TTC6: variants seen among roughly 807,000 people sequenced by gnomAD.
The protein encoded by TTC6 is tetratricopeptide repeat protein 6.
Under a neutral mutation model 210.4 loss-of-function variants are expected in TTC6, and 172 were observed. The ratio of observed to expected loss-of-function variants is 0.82; its 90% confidence interval spans 0.72 to 0.93. TTC6 has a LOEUF of 0.93. TTC6 is among the 40% of genes least tolerant of loss of function. The pLI, the probability that TTC6 is intolerant of heterozygous loss-of-function variation, is 0.00. For synonymous variants in TTC6, 804 were observed against 819.6 expected (o/e 0.98, Z 0.32); for missense variants, 2,414 against 2,318.1 (o/e 1.04, Z -0.85).
At chr14:37,712,350 C>G (rs570506107) in intron 5 of TTC6, among the ~76,000 whole-genome samples, 6 of 152,302 alleles carry the variant, frequency 3.9e-5, no homozygotes, top group Admixed American at 6.5e-5. Context: ...TCCTCCCAAC[C>G]TATCTTAGAA....
intron 29 of TTC6, among the ~76,000 whole-genome samples, chr14:37,834,178 G>T (rs1444936588): frequency 1.3e-5 from 2 of 151,980 alleles, no homozygotes; most frequent in Non-Finnish European, 2.9e-5. Context: ...GGCCTTTTTG[G>T]GTTGAATCTA....
chr14:37,748,046 CA>C (rs1352920710), intron 10 of TTC6, among the ~76,000 whole-genome samples: 1 of 151,856 alleles, frequency 6.6e-6, no homozygotes, highest in Non-Finnish European at 1.5e-5. Flanking sequence ...ATTTGTAAAA[CA>C]AAAAACAAAA....
chr14:37,779,661 A>C (rs2096048581), intron 14 of TTC6, among the ~76,000 whole-genome samples: 1 of 152,194 alleles, frequency 6.6e-6, no homozygotes, highest in South Asian at 2.1e-4. Flanking sequence ...GCTTACAGCC[A>C]TTTGCTGAGA....
chr14:37,716,031 G>C (rs966210951), intron 6 of TTC6, among the ~76,000 whole-genome samples: 1 of 152,098 alleles, frequency 6.6e-6, no homozygotes, highest in Non-Finnish European at 1.5e-5. Flanking sequence ...ACAGAATATA[G>C]AGGAAGTATT....
chr14:37,730,046 A>G (rs192976138), intron 7 of TTC6, among the ~76,000 whole-genome samples: 1 of 152,276 alleles, frequency 6.6e-6, no homozygotes, highest in Non-Finnish European at 1.5e-5. Context: ...AGGATCCAAC[A>G]GTACTTTCTG....
At chr14:37,663,180 C>T (rs1469003923) in intron 1 of TTC6, among the ~76,000 whole-genome samples, 4 of 151,908 alleles carry the variant, frequency 2.6e-5, no homozygotes, top group African/African-American at 9.7e-5. Flanking sequence ...GGATTGCATT[C>T]CTGGCTTATT....
chr14:37,826,392 C>G, intron 28 of TTC6, 45 bp downstream of exon 30: 1 of 1,476,100 alleles, frequency 6.8e-7, no homozygotes, highest in Non-Finnish European at 9.1e-7. Flanking sequence ...TAAATTAACA[C>G]TGTCAATGAA....
intron 7 of TTC6, among the ~76,000 whole-genome samples, chr14:37,726,313 C>T (rs899969213): frequency 1.3e-5 from 2 of 152,112 alleles, no homozygotes; most frequent in African/African-American, 4.8e-5. Context: ...AAATTCAGTT[C>T]ATGTATGCTG....
intron 6 of TTC6, among the ~76,000 whole-genome samples, chr14:37,715,517 A>G (rs895761217): frequency 2.6e-5 from 4 of 152,202 alleles, no homozygotes; most frequent in Non-Finnish European, 4.4e-5. Context: ...GGCTATATTA[A>G]TATCAGATAA....
At chr14:37,766,956 C>G (rs1490176090) in intron 14 of TTC6, among the ~76,000 whole-genome samples, 1 of 151,854 alleles carries the variant, frequency 6.6e-6, no homozygotes, top group Admixed American at 6.6e-5. Context: ...CTCCCCTCCC[C>G]ACATCCCACA....
At chr14:37,836,826 A>G (rs1433115982) in intron 29 of TTC6, among the ~76,000 whole-genome samples, 1 of 152,134 alleles carries the variant, frequency 6.6e-6, no homozygotes, top group Non-Finnish European at 1.5e-5. Flanking sequence ...AGGGTCCCTC[A>G]TCTGATCTAA....
At chr14:37,628,721 A>G (rs1270232104) in intron 1 of TTC6, among the ~76,000 whole-genome samples, 1 of 152,126 alleles carries the variant, frequency 6.6e-6, no homozygotes, top group Non-Finnish European at 1.5e-5. Flanking sequence ...ATTTTCTTCT[A>G]GGGTTTTTAT....
chr14:37,690,556 A>C (rs1378735392), intron 3 of TTC6, among the ~76,000 whole-genome samples: 1 of 152,192 alleles, frequency 6.6e-6, no homozygotes, highest in Admixed American at 6.5e-5. Context: ...GCCAATGGAA[A>C]CCAGAAAAGA....
At chr14:37,734,203 C>G (rs984305109) in intron 7 of TTC6, among the ~76,000 whole-genome samples, 1 of 152,130 alleles carries the variant, frequency 6.6e-6, no homozygotes, top group Non-Finnish European at 1.5e-5. Flanking sequence ...TGACTACCCT[C>G]GTGATAGAAC....
Position 37,762,163 on chromosome 14 carries a change from T to A in TTC6, c.3266+8928T>A, listed in dbSNP as rs188961027. On this transcript the variant is annotated intron_variant, in intron 14 of 30. Transcript: ENST00000553443. Reference sequence around the variant, plus strand: ...AAGTGGTGGGATTTCCCTTTTTTTTTAAGAAAAGGCTGAATAGTATTTAAT... The same window carrying A: ...AAGTGGTGGGATTTCCCTTTTTTTTAAAGAAAAGGCTGAATAGTATTTAAT... Among the ~76,000 whole-genome samples the A allele has an allele frequency of 9.8e-4, 149 of 152,312 alleles. 1 individual carries two copies. Among genetic ancestry groups the A allele is most frequent in the Non-Finnish European group, 1.9e-3 (132 of 68,020 alleles).
At chr14:37,673,577 A>T (rs145986030) in intron 1 of TTC6, among the ~76,000 whole-genome samples, 1 of 152,232 alleles carries the variant, frequency 6.6e-6, no homozygotes, top group East Asian at 1.9e-4. Flanking sequence ...TTTAATGATG[A>T]TTGAGAAAAT....
chr14:37,778,149 T>C (rs543333861), intron 14 of TTC6, among the ~76,000 whole-genome samples: 164 of 151,218 alleles, frequency 1.1e-3, no homozygotes, highest in African/African-American at 3.8e-3. Context: ...GCTGGGGTGG[T>C]GTGCTGGTGG....
chr14:37,815,711 C>T (rs1430695728), intron 25 of TTC6, among the ~76,000 whole-genome samples: 1 of 152,082 alleles, frequency 6.6e-6, no homozygotes. Flanking sequence ...ATGTGGTACA[C>T]ATTAGTGGCT....
chr14:37,600,307 T>C (rs752689919), intron 1 of TTC6, among the ~76,000 whole-genome samples: 7 of 152,022 alleles, frequency 4.6e-5, no homozygotes, highest in African/African-American at 7.2e-5. Flanking sequence ...GGACCTCCAT[T>C]CCTCTCCATC....
Sources: gnomAD v4.1 joint callset for allele counts (sites outside exome capture counted in the v4.1 genomes callset) on GRCh38, gnomAD v4.1.1 for gene constraint, MANE v1.5 for transcripts, NCBI Gene and HGNC (gene_info 2026-07-23, HGNC 2026-07-21) for gene names.